THAP12: variants seen among roughly 807,000 people sequenced by gnomAD.
THAP12 encodes 52 kDa repressor of the inhibitor of the protein kinase.
In THAP12, 20 loss-of-function variants were observed where a neutral mutation model predicts 63.0. The ratio of observed to expected loss-of-function variants is 0.32; its 90% CI spans 0.22 to 0.46. The LOEUF (loss-of-function observed/expected upper bound fraction) is 0.46. Ranked by LOEUF, THAP12 falls within the 20% of genes least tolerant of loss-of-function variation. The probability of loss-of-function intolerance (pLI) is 1.00; values close to 1 mark genes in which losing one functional copy is unlikely to be tolerated. For missense variants in THAP12, 568 were observed against 908.2 expected, an observed-to-expected ratio of 0.63 and a Z score of 4.81; for synonymous variants, 264 against 328.4, an observed-to-expected ratio of 0.80 and a Z score of 2.12.
At position 76,351,754 on chromosome 11, in the gene THAP12, G is replaced by A. The variant is rs775717873; in HGVS notation, c.1396C>T (p.Arg466Ter). 5.0e-6 allele frequency: 8 copies of A among 1,613,278 alleles called. No homozygotes were observed. Among genetic ancestry groups the A allele is most frequent in the South Asian group, 2.2e-5 (2 of 90,996 alleles). Residue 466 changes from arginine (R) to a stop codon, truncating the protein, a stop_gained, in exon 5 of 5, where the codon CGA (arginine) becomes TGA (stop). Coordinates refer to ENST00000260045, the MANE Select transcript of THAP12 (RefSeq NM_004705.4). LOFTEE classifies it high-confidence loss of function. The part of the protein sequence containing the change: ...NIRWNNYIAG[R>*]AFVLCSAVSD... ...ACTGCACTGCAGAGTACAAATGCTC[G>A]GCCAGCTATATAGTTATTCCATCTA...
intron 3 of THAP12, chr11:76,357,594 C>A: frequency 6.6e-6 from 1 of 152,062 alleles, no homozygotes; most frequent in Non-Finnish European, 1.5e-5. Context: ...AAGAATCAGG[C>A]TGGCACAGAC....
chr11:76,371,964 C>A (rs1946677699), intron 1 of THAP12, among the ~76,000 whole-genome samples: 1 of 151,868 alleles, frequency 6.6e-6, no homozygotes, highest in African/African-American at 2.4e-5. Context: ...AGGCACCCCC[C>A]ACCATGCCCG....
intron 1 of THAP12, among the ~76,000 whole-genome samples, chr11:76,372,310 CTTT>C (rs1050858425): frequency 2.0e-5 from 3 of 151,642 alleles, no homozygotes; most frequent in Non-Finnish European, 2.9e-5. Context: ...CTGATTACTT[CTTT>C]GTTTTGTTTT....
intron 3 of THAP12, 44 bp downstream of exon 3, chr11:76,360,912 G>T: frequency 1.6e-6 from 2 of 1,283,302 alleles, no homozygotes; most frequent in Non-Finnish European, 2.3e-6. Flanking sequence ...TGATTTCATA[G>T]TATTATGGGG....
In THAP12 at chr11:76,350,176, T is replaced by C. The variant is rs535790453; in HGVS notation, c.*688A>G. 1 of 152,642 alleles carries C rather than the reference T, an allele frequency of 6.6e-6. No individual in the cohort carries two copies. Among genetic ancestry groups the C allele is most frequent in the African/African-American group, 2.4e-5 (1 of 41,566 alleles). 9.5% of individuals were successfully genotyped at this position (152,642 alleles called of 1,614,324 possible). ...CAGACAAATCAGTTGTCAGTATCCA[T>C]GGCCTCTGATTCTGTCTCAACCATG... On this transcript the variant is annotated 3_prime_UTR_variant, in exon 5 of 5. Coordinates refer to ENST00000260045, the MANE Select transcript of THAP12 (RefSeq NM_004705.4).
At chr11:76,361,510 T>C (rs1946597677) in intron 2 of THAP12, 1 of 153,112 alleles carries the variant, frequency 6.5e-6, no homozygotes, top group African/African-American at 2.4e-5. Flanking sequence ...ACAGTGAAAA[T>C]ATTGGACTGG....
intron 1 of THAP12, among the ~76,000 whole-genome samples, chr11:76,367,038 G>A (rs932604188): frequency 6.6e-6 from 1 of 151,590 alleles, no homozygotes; most frequent in Non-Finnish European, 1.5e-5. Flanking sequence ...TAAGTAACTT[G>A]CTAAAGTCAC....
intron 1 of THAP12, among the ~76,000 whole-genome samples, chr11:76,379,654 TGCGTCC>T (rs1946736568): frequency 1.3e-5 from 2 of 152,224 alleles, no homozygotes; most frequent in Non-Finnish European, 2.9e-5. Context: ...ATAGCAATTG[TGCGTCC>T]CTTGATACTA....
At chr11:76,362,782 C>G (rs1199451381) in intron 2 of THAP12, among the ~76,000 whole-genome samples, 1 of 152,014 alleles carries the variant, frequency 6.6e-6, no homozygotes, top group Non-Finnish European at 1.5e-5. Flanking sequence ...TTTCTATTTG[C>G]AAATAAAGCA....
Position 76,380,933 on chromosome 11 carries a change from G to T in THAP12, c.-97C>A, listed in dbSNP as rs574243690. The T allele has an allele frequency of 1.0e-4, 68 of 663,614 alleles. No individual in the cohort carries two copies. The highest frequency in any genetic ancestry group is 5.7e-4 in the Middle Eastern group (1 of 1,768). 41.1% of individuals were successfully genotyped at this position (663,614 alleles called of 1,614,324 possible). ...GCCGGGGAGGGGAGCCAGGCCGGCC[G>T]GCCGGCTCGGCAGGGCCGACGCGCG... On this transcript the variant is annotated 5_prime_UTR_variant, in exon 1 of 5. Transcript: ENST00000260045.
At chr11:76,376,136 G>T (rs1026902691) in intron 1 of THAP12, among the ~76,000 whole-genome samples, 7 of 152,110 alleles carry the variant, frequency 4.6e-5, no homozygotes, top group South Asian at 2.1e-4. Context: ...AGTGGAGAAG[G>T]TTGCACAACA....
At chr11:76,380,153 G>A (rs1369123220) in intron 1 of THAP12, among the ~76,000 whole-genome samples, 1 of 152,156 alleles carries the variant, frequency 6.6e-6, no homozygotes, top group African/African-American at 2.4e-5. Flanking sequence ...CAATTTCCAC[G>A]CCCTCACGCG....
intron 3 of THAP12, chr11:76,357,754 A>C (rs1946570993): frequency 6.6e-6 from 1 of 152,202 alleles, no homozygotes; most frequent in South Asian, 2.1e-4. Flanking sequence ...TAAGAAAAAC[A>C]ATCCTATGTT....
intron 2 of THAP12, among the ~76,000 whole-genome samples, chr11:76,365,367 G>T (rs1946624111): frequency 1.3e-5 from 2 of 151,016 alleles, no homozygotes; most frequent in African/African-American, 4.9e-5. Context: ...GTTTTGTTTT[G>T]TTTTGTTTTG....
At chr11:76,362,352 G>C (rs150176737) in intron 2 of THAP12, among the ~76,000 whole-genome samples, 1 of 152,232 alleles carries the variant, frequency 6.6e-6, no homozygotes, top group Non-Finnish European at 1.5e-5. Context: ...AGGTTGGGAA[G>C]ACATGAAGGG....
chr11:76,370,060 T>A (rs1033631990), intron 1 of THAP12, among the ~76,000 whole-genome samples: 1 of 152,210 alleles, frequency 6.6e-6, no homozygotes, highest in South Asian at 2.1e-4. Flanking sequence ...GGGTAACAAC[T>A]GGGAGTGGGC....
chr11:76,370,830 GA>G (rs371784735), intron 1 of THAP12, among the ~76,000 whole-genome samples: 306 of 135,548 alleles, frequency 2.3e-3, no homozygotes, highest in East Asian at 3.9e-3. Flanking sequence ...CAAAAAAAAA[GA>G]AAAAAAAAAA....
rs1946534666 is a variant in THAP12, at chr11:76,352,543, C to A, written c.607G>T (p.Ala203Ser). The change falls in exon 5 of 5, where the codon GCA becomes TCA. Residue 203 changes from alanine (A) to serine (S), a missense_variant. Ala to Ser is a moderately conservative substitution (Grantham distance 99). Coordinates refer to ENST00000260045, the MANE Select transcript of THAP12 (RefSeq NM_004705.4). Reference protein sequence around the residue: ...EGLFTPDNFQALLECRINSGE... With the variant: ...EGLFTPDNFQSLLECRINSGE... The stretch of plus-strand genomic sequence containing the variant: ...GAATTTATCCGACACTCCAGCAGTG[C>A]CTGAAAGTTATCTGGAGTAAAGAGA... 2 of 1,612,012 alleles carry A rather than the reference C, an allele frequency of 1.2e-6. No individual in the cohort carries two copies. Among genetic ancestry groups the A allele is most frequent in the Non-Finnish European group, 1.7e-6 (2 of 1,179,852 alleles).
intron 4 of THAP12, 76 bp downstream of exon 4, chr11:76,355,542 A>G (rs1214906236): frequency 6.0e-6 from 8 of 1,329,094 alleles, no homozygotes; most frequent in East Asian, 2.4e-5. Flanking sequence ...AACACAGAAC[A>G]TATTTATTTG....
Sources: gnomAD v4.1 joint callset for allele counts (sites outside exome capture counted in the v4.1 genomes callset) on GRCh38, gnomAD v4.1.1 for gene constraint, MANE v1.5 for transcripts, NCBI Gene and HGNC (gene_info 2026-07-23, HGNC 2026-07-21) for gene names.